RORB: variants seen among roughly 807,000 people sequenced by gnomAD.
The protein encoded by RORB is nuclear receptor ROR-beta.
RORB carries 6 observed loss-of-function variants against 59.1 expected under a neutral mutation model. The observed-to-expected ratio is 0.10, with a 90% CI of 0.06 to 0.20. The LOEUF is 0.20. Ranked by LOEUF, RORB falls within the 10% of genes least tolerant of loss-of-function variation. The pLI is 1.00. For missense variants in RORB, 320 were observed against 560.5 expected (o/e 0.57, Z 4.33); for synonymous variants, 215 against 204.5 (o/e 1.05, Z -0.44).
chr9:74,556,102 G>T (rs548903972), intron 1 of RORB, among the ~76,000 whole-genome samples: 1 of 152,214 alleles, frequency 6.6e-6, no homozygotes, highest in African/African-American at 2.4e-5. Context: ...TTGTAATTTT[G>T]ATGCTGATAT....
intron 1 of RORB, among the ~76,000 whole-genome samples, chr9:74,560,268 A>G (rs975946928): frequency 1.3e-5 from 2 of 152,138 alleles, no homozygotes; most frequent in Admixed American, 6.6e-5. Flanking sequence ...TTGAAATGCA[A>G]AATGTTTTTA....
chr9:74,653,750 G>C (rs10869433), intron 4 of RORB, among the ~76,000 whole-genome samples: 1 of 151,844 alleles, frequency 6.6e-6, no homozygotes, highest in East Asian at 1.9e-4. Flanking sequence ...GAAACTACCC[G>C]TGCAATCCGT....
chr9:74,520,830 G>A lies in RORB; in HGVS notation c.7+22847G>A, dbSNP rs189418254. Among the ~76,000 whole-genome samples, 6 of 151,740 alleles carry A rather than the reference G, an allele frequency of 4.0e-5. No homozygotes were observed. In the East Asian group the frequency reaches 9.7e-4, roughly 25 times the overall value. On this transcript the variant is annotated intron_variant, in intron 1 of 9. Transcript: ENST00000376896. ...GCTAACCATTATCACTAACCTTAGA[G>A]TCTTACATATTCTATAGTCTATTTC...
intron 1 of RORB, among the ~76,000 whole-genome samples, chr9:74,628,819 C>T (rs772847639): frequency 6.6e-6 from 1 of 152,142 alleles, no homozygotes; most frequent in Non-Finnish European, 1.5e-5. Flanking sequence ...TCTTAGAATA[C>T]TATCAGACAT....
Position 74,601,982 on chromosome 9 carries a change from G to T in RORB, c.8-28300G>T, listed in dbSNP as rs368086519. 5.3e-3 allele frequency among the ~76,000 whole-genome samples: 801 copies of T among 152,230 alleles called. 9 individuals are homozygous for T. The highest frequency in any genetic ancestry group is 0.018 in the African/African-American group (768 of 41,518). On this transcript the variant is annotated intron_variant, in intron 1 of 9. Coordinates refer to ENST00000376896, the MANE Select transcript of RORB (RefSeq NM_006914.4). ...AGACCTTGAACTTAGCTTCTCACAC[G>T]GTCAGCAGAACGGTGTGCTGGCCAG...
intron 1 of RORB, among the ~76,000 whole-genome samples, chr9:74,538,286 C>T (rs985020121): frequency 1.3e-5 from 2 of 152,044 alleles, no homozygotes; most frequent in African/African-American, 4.8e-5. Flanking sequence ...ACTTATCCCC[C>T]AAATTAAGTG....
In RORB at chr9:74,686,910, T is replaced by C. The variant is rs569737178; in HGVS notation, c.*1292T>C. 1 of 152,422 alleles carries C rather than the reference T, an allele frequency of 6.6e-6. No homozygotes were observed. The highest frequency in any genetic ancestry group is 1.9e-4 in the East Asian group (1 of 5,180). 9.4% of individuals were successfully genotyped at this position (152,422 alleles called of 1,614,324 possible). The stretch of plus-strand genomic sequence containing the variant: ...AAAGATCTGTGTTATTCTAGGGAAC[T>C]AATGTACCCCAAAGCCAAAACTAAT... On this transcript the variant is annotated 3_prime_UTR_variant, in exon 10 of 10. Coordinates refer to ENST00000376896, the MANE Select transcript of RORB (RefSeq NM_006914.4).
At chr9:74,586,600 C>CGTGTGTGT (rs1313500289) in intron 1 of RORB, among the ~76,000 whole-genome samples, 28,799 of 141,048 alleles carry the variant, frequency 0.2, 3,238 homozygotes, top group South Asian at 0.23. Context: ...ATGTAATGTC[C>CGTGTGTGT]GTGTGTGTGT....
At chr9:74,631,507 G>A (rs1823618215) in intron 2 of RORB, among the ~76,000 whole-genome samples, 1 of 152,140 alleles carries the variant, frequency 6.6e-6, no homozygotes, top group Non-Finnish European at 1.5e-5. Context: ...ATATAAACAA[G>A]GCAAAACACA....
rs184238483 is a variant in RORB, at chr9:74,586,054, A to G, written c.8-44228A>G. ...CGTGATCCGCCCGCCTCGACCTCCC[A>G]AAGTGCTGGGATTACAGGCATGAGC... On this transcript the variant is annotated intron_variant, in intron 1 of 9. Coordinates refer to ENST00000376896, the MANE Select transcript of RORB (RefSeq NM_006914.4). Among the ~76,000 whole-genome samples the G allele has an allele frequency of 5.6e-4, 85 of 152,118 alleles. 1 individual carries two copies. In the East Asian group the frequency reaches 0.015, roughly 27 times the overall value.
chr9:74,657,368 A>G (rs1395421392), intron 4 of RORB, among the ~76,000 whole-genome samples: 2 of 152,064 alleles, frequency 1.3e-5, no homozygotes, highest in African/African-American at 4.8e-5. Context: ...CCCAGCCATC[A>G]CTTGCTCTTT....
intron 4 of RORB, among the ~76,000 whole-genome samples, chr9:74,656,460 G>T (rs1009649825): frequency 6.6e-6 from 1 of 152,186 alleles, no homozygotes; most frequent in Non-Finnish European, 1.5e-5. Context: ...CCAAGGCCGG[G>T]CATGGTGGCT....
At position 74,638,622 on chromosome 9, in the gene RORB, A is replaced by G. The variant is rs544029990; in HGVS notation, c.236-3792A>G. Among the ~76,000 whole-genome samples, 287 of 152,370 alleles carry G rather than the reference A, an allele frequency of 1.9e-3. 2 individuals are homozygous for G. Among genetic ancestry groups the G allele is most frequent in the African/African-American group, 6.4e-3 (268 of 41,578 alleles). On this transcript the variant is annotated intron_variant, in intron 3 of 9. Transcript: ENST00000376896. ...ATGTAGTGATAAGAAGAATGCTAAT[A>G]TCTGAAATATTAACATGGCCTTTGT... is the stretch of plus-strand genomic sequence containing the variant.
chr9:74,535,114 A>G (rs979109106), intron 1 of RORB, among the ~76,000 whole-genome samples: 1 of 151,884 alleles, frequency 6.6e-6, no homozygotes, highest in Non-Finnish European at 1.5e-5. Context: ...GTTATTTTAC[A>G]TGAAAACTGC....
chr9:74,585,120 T>G (rs62554056), intron 1 of RORB, among the ~76,000 whole-genome samples: 46,859 of 152,078 alleles, frequency 0.31, 7,413 homozygotes, highest in Non-Finnish European at 0.35. Flanking sequence ...TAAATAACTA[T>G]TATCTCAAAT....
chr9:74,526,027 T>C (rs1342587349), intron 1 of RORB, among the ~76,000 whole-genome samples: 1 of 151,958 alleles, frequency 6.6e-6, no homozygotes, highest in Non-Finnish European at 1.5e-5. Flanking sequence ...TTACAGCTTC[T>C]TCACACACGG....
intron 1 of RORB, among the ~76,000 whole-genome samples, chr9:74,517,543 GCATTTGATAAA>G (rs976434509): frequency 2.0e-5 from 3 of 151,946 alleles, no homozygotes; most frequent in Non-Finnish European, 4.4e-5. Context: ...TGTTTGAAAG[GCATTTGATAAA>G]CAAACTTATA....
At chr9:74,676,759 G>A (rs1168206485) in intron 9 of RORB, among the ~76,000 whole-genome samples, 1 of 152,172 alleles carries the variant, frequency 6.6e-6, no homozygotes, top group Non-Finnish European at 1.5e-5. Context: ...CCCGTCCCCC[G>A]CGGGGCTCTC....
chr9:74,554,520 A>G (rs2118174096), intron 1 of RORB, among the ~76,000 whole-genome samples: 1 of 152,206 alleles, frequency 6.6e-6, no homozygotes, highest in Middle Eastern at 3.4e-3. Context: ...TAAACCTTAG[A>G]AGGGAGTGTA....
Sources: gnomAD v4.1 joint callset for allele counts (sites outside exome capture counted in the v4.1 genomes callset) on GRCh38, gnomAD v4.1.1 for gene constraint, MANE v1.5 for transcripts, NCBI Gene and HGNC (gene_info 2026-07-23, HGNC 2026-07-21) for gene names.